EYS: variants seen among roughly 807,000 people sequenced by gnomAD.
The protein encoded by EYS is protein eyes shut homolog.
A neutral mutation model predicts 282.1 loss-of-function variants in EYS; 250 were observed. That is an observed-to-expected ratio of 0.89 (90% CI 0.80 to 0.98). The LOEUF (loss-of-function observed/expected upper bound fraction) is 0.98. Ranked by LOEUF, EYS falls within the 50% of genes least tolerant of loss-of-function variation. The pLI is 0.00. For synonymous variants in EYS, 1,355 were observed against 1,282.9 expected (o/e 1.06, Z -1.20); for missense variants, 4,016 against 3,709.0 (o/e 1.08, Z -2.15).
chr6:64,381,838 G>A (rs971195148), intron 29 of EYS, among the ~76,000 whole-genome samples: 2 of 152,128 alleles, frequency 1.3e-5, no homozygotes, highest in African/African-American at 4.8e-5. Flanking sequence ...AGTTAAGTAA[G>A]CAAATTCATC....
intron 11 of EYS, chr6:65,329,178 A>T (rs1769706401): frequency 9.6e-6 from 2 of 207,802 alleles, no homozygotes; most frequent in South Asian, 3.4e-4. Context: ...GTCAAACTTT[A>T]ATTTTAAATA....
At chr6:65,483,482 C>T (rs143957870) in intron 5 of EYS, among the ~76,000 whole-genome samples, 69 of 152,008 alleles carry the variant, frequency 4.5e-4, no homozygotes, top group Middle Eastern at 3.4e-3. Flanking sequence ...CTGGTTGATA[C>T]GGCATTAGGA....
chr6:65,559,305 C>A (rs1234403745), intron 2 of EYS, among the ~76,000 whole-genome samples: 3 of 152,162 alleles, frequency 2.0e-5, no homozygotes, highest in African/African-American at 7.2e-5. Context: ...CTGCTCGAAC[C>A]TGGGAGGCCA....
At chr6:64,714,516 CTTTTTTT>C (rs55730437) in intron 22 of EYS, among the ~76,000 whole-genome samples, 12 of 127,912 alleles carry the variant, frequency 9.4e-5, no homozygotes, top group Non-Finnish European at 1.7e-4. Flanking sequence ...TTCTTTCTTT[CTTTTTTT>C]TTTTTTTTTT....
intron 14 of EYS, among the ~76,000 whole-genome samples, chr6:64,974,771 G>A (rs1770421126): frequency 6.6e-6 from 1 of 151,812 alleles, no homozygotes; most frequent in Non-Finnish European, 1.5e-5. Flanking sequence ...ATACCGCACA[G>A]CACAAAGAAC....
intron 2 of EYS, among the ~76,000 whole-genome samples, chr6:65,522,471 T>C (rs1234426668): frequency 1.3e-5 from 2 of 152,080 alleles, no homozygotes; most frequent in African/African-American, 4.8e-5. Context: ...TTTGTGTGGA[T>C]TGTCTTTAAG....
At chr6:65,576,795 A>G (rs1764686028) in intron 2 of EYS, among the ~76,000 whole-genome samples, 1 of 151,908 alleles carries the variant, frequency 6.6e-6, no homozygotes, top group African/African-American at 2.4e-5. Context: ...ACTATTTTTA[A>G]AAAGTCAAAA....
chr6:63,984,613 A>T lies in EYS; in HGVS notation c.6835-10T>A. 6.6e-7 allele frequency: 1 copy of T among 1,514,052 alleles called. No individual in the cohort carries two copies. 93.8% of individuals were successfully genotyped at this position (1,514,052 alleles called of 1,614,324 possible). A position where few individuals can be genotyped will look rare whatever the true frequency, so the allele number is the denominator to read the frequency against. On this transcript the variant is annotated splice_polypyrimidine_tract_variant and intron_variant, in intron 34 of 42. Transcript: ENST00000503581. ...TTGATTCAAAATATGCCTGTAGAAAAAGTAACAACAAAAAATATTATAGGT... is the reference window on the plus strand; with the variant it reads ...TTGATTCAAAATATGCCTGTAGAAATAGTAACAACAAAAAATATTATAGGT...
chr6:64,531,798 T>C (rs1392876165), intron 26 of EYS, among the ~76,000 whole-genome samples: 1 of 152,098 alleles, frequency 6.6e-6, no homozygotes, highest in African/African-American at 2.4e-5. Flanking sequence ...GCAGGGACTG[T>C]GGTGGATTAC....
intron 26 of EYS, among the ~76,000 whole-genome samples, chr6:64,561,676 G>T (rs1031569308): frequency 2.6e-5 from 4 of 151,852 alleles, no homozygotes; most frequent in African/African-American, 9.7e-5. Context: ...AAATAAATCT[G>T]AGAAGACACA....
chr6:65,321,990 C>A (rs1157820470), intron 11 of EYS, among the ~76,000 whole-genome samples: 5 of 152,128 alleles, frequency 3.3e-5, no homozygotes, highest in South Asian at 4.1e-4. Flanking sequence ...TTCTTTTCTC[C>A]ACTCCCTCAC....
intron 35 of EYS, among the ~76,000 whole-genome samples, chr6:63,943,705 G>A (rs1177948807): frequency 6.6e-6 from 1 of 152,156 alleles, no homozygotes; most frequent in South Asian, 2.1e-4. Flanking sequence ...GCTTTTCCCT[G>A]CTAGTTACCA....
At chr6:64,410,772 C>T (rs1464368177) in intron 28 of EYS, among the ~76,000 whole-genome samples, 2 of 152,094 alleles carry the variant, frequency 1.3e-5, no homozygotes, top group Admixed American at 6.6e-5. Context: ...TACATGGTCA[C>T]CCTGATGTGT....
At chr6:65,310,305 C>G (rs955831389) in intron 11 of EYS, among the ~76,000 whole-genome samples, 12 of 152,118 alleles carry the variant, frequency 7.9e-5, no homozygotes, top group Non-Finnish European at 1.3e-4. Context: ...GATCATGACA[C>G]TGCACTCCAG....
At chr6:64,522,472 G>A (rs1030322945) in intron 26 of EYS, among the ~76,000 whole-genome samples, 1 of 151,712 alleles carries the variant, frequency 6.6e-6, no homozygotes, top group South Asian at 2.1e-4. Context: ...GAGTAAGTAA[G>A]TTTGTTAGAT....
intron 22 of EYS, among the ~76,000 whole-genome samples, chr6:64,806,294 C>T (rs997652473): frequency 6.6e-6 from 1 of 151,736 alleles, no homozygotes; most frequent in African/African-American, 2.4e-5. Context: ...GGTTATTGTA[C>T]AATCAATATC....
chr6:65,325,983 C>T (rs1161729655), intron 11 of EYS, among the ~76,000 whole-genome samples: 3 of 152,058 alleles, frequency 2.0e-5, no homozygotes, highest in Non-Finnish European at 1.5e-5. Context: ...TATTCTATAG[C>T]TTCCTCTCCC....
chr6:65,415,882 C>A (rs9363358), intron 5 of EYS, among the ~76,000 whole-genome samples: 79,614 of 151,756 alleles, frequency 0.52, 20,928 homozygotes, highest in South Asian at 0.57. Context: ...GAACTCCTTG[C>A]AATTAGTGAA....
At chr6:65,497,082 C>T (rs531973516) in intron 2 of EYS, among the ~76,000 whole-genome samples, 1 of 152,064 alleles carries the variant, frequency 6.6e-6, no homozygotes, top group East Asian at 1.9e-4. Context: ...ATGTCAATTT[C>T]AAATATATTA....
Sources: gnomAD v4.1 joint callset for allele counts (sites outside exome capture counted in the v4.1 genomes callset) on GRCh38, gnomAD v4.1.1 for gene constraint, MANE v1.5 for transcripts, NCBI Gene and HGNC (gene_info 2026-07-23, HGNC 2026-07-21) for gene names.